The following TMEM217 variants were observed in gnomAD, a reference collection of about 807,000 sequenced individuals.
TMEM217 encodes the protein chromosome 6 open reading frame 128.
For synonymous variants in TMEM217, 76 were observed against 88.3 expected (o/e 0.86, Z 0.78); for missense variants, 204 against 248.8 (o/e 0.82, Z 1.21).
intron 1 of TMEM217, among the ~76,000 whole-genome samples, chr6:37,220,655 G>C (rs1188933670): frequency 6.6e-6 from 1 of 151,758 alleles, no homozygotes; most frequent in African/African-American, 2.4e-5. Flanking sequence ...CTAAGTGTCT[G>C]GCAGAAGCAA....
At chr6:37,245,924 C>G (rs771061171) in intron 1 of TMEM217, among the ~76,000 whole-genome samples, 2 of 151,966 alleles carry the variant, frequency 1.3e-5, no homozygotes, top group Non-Finnish European at 2.9e-5. Flanking sequence ...CTCAGCCTCC[C>G]GAGTAGCTGT....
chr6:37,214,530 T>C (rs1396158975), downstream of TMEM217, among the ~76,000 whole-genome samples: 1 of 152,070 alleles, frequency 6.6e-6, no homozygotes, highest in Non-Finnish European at 1.5e-5. Flanking sequence ...CCTGGCCATC[T>C]TCAGAACTTT....
intron 1 of TMEM217, among the ~76,000 whole-genome samples, chr6:37,252,631 ATATATATTTTTTTTT>A (rs1765490186): frequency 1.3e-5 from 1 of 77,328 alleles, no homozygotes; most frequent in South Asian, 4.3e-4. Context: ...ATATATATAT[ATATATATTTTTTTTT>A]TTTTTTTTTT....
chr6:37,226,437 C>T (rs1336026551), intron 1 of TMEM217, among the ~76,000 whole-genome samples: 5 of 151,066 alleles, frequency 3.3e-5, no homozygotes, highest in Non-Finnish European at 4.4e-5. Context: ...GGACTATAGG[C>T]GCCTGCCACG....
chr6:37,257,870 C>G, exon 1 of TMEM217: 1 of 1,597,522 alleles, frequency 6.3e-7, no homozygotes, highest in Non-Finnish European at 8.5e-7. Context: ...GGGCATCTCG[C>G]CGGGCAAACC....
chr6:37,218,229 G>A (rs1194575836), exon 2 of TMEM217: 2 of 1,357,104 alleles, frequency 1.5e-6, no homozygotes, highest in African/African-American at 3.0e-5. Context: ...AAGTGCACTG[G>A]CGCAATCTCG....
chr6:37,216,043 T>C (rs1405100986), downstream of TMEM217, among the ~76,000 whole-genome samples: 1 of 150,274 alleles, frequency 6.7e-6, no homozygotes, highest in South Asian at 2.1e-4. Context: ...GAGAAACAGA[T>C]AGACAGACAG....
chr6:37,223,590 C>T (rs1763657785), intron 1 of TMEM217, among the ~76,000 whole-genome samples: 1 of 152,130 alleles, frequency 6.6e-6, no homozygotes, highest in South Asian at 2.1e-4. Flanking sequence ...TTCACCACAA[C>T]CTCTGCCTCC....
chr6:37,250,750 A>C (rs1409447713), intron 1 of TMEM217, among the ~76,000 whole-genome samples: 1 of 152,206 alleles, frequency 6.6e-6, no homozygotes, highest in African/African-American at 2.4e-5. Context: ...AGCTGGGAAA[A>C]ATTTTTGCTA....
At chr6:37,218,070 A>G (rs1457586823) in exon 2 of TMEM217, 4 of 1,005,622 alleles carry the variant, frequency 4.0e-6, no homozygotes, top group South Asian at 4.4e-5. Context: ...GTGGGGGGAA[A>G]AAAGGAAATA....
intron 1 of TMEM217, among the ~76,000 whole-genome samples, chr6:37,248,741 G>A (rs1342696044): frequency 2.6e-5 from 4 of 152,218 alleles, no homozygotes; most frequent in African/African-American, 9.6e-5. Flanking sequence ...AGCAGAAATA[G>A]GTGGCAATGG....
At chr6:37,228,521 T>C (rs958450196) in intron 1 of TMEM217, among the ~76,000 whole-genome samples, 3 of 152,174 alleles carry the variant, frequency 2.0e-5, no homozygotes, top group Non-Finnish European at 2.9e-5. Context: ...CTGACCAATA[T>C]GGTGAAACCC....
intron 1 of TMEM217, among the ~76,000 whole-genome samples, chr6:37,245,223 C>T (rs1051295423): frequency 3.3e-5 from 5 of 152,204 alleles, no homozygotes; most frequent in East Asian, 1.9e-4. Flanking sequence ...CCTTACAGGG[C>T]GGTAGGTAGC....
At chr6:37,233,775 G>T (rs2622900) in intron 1 of TMEM217, among the ~76,000 whole-genome samples, 130,450 of 152,200 alleles carry the variant, frequency 0.86, 56,303 homozygotes, top group African/African-American at 0.96. Context: ...GCTAACTAAC[G>T]AAGTTACTAA....
intron 1 of TMEM217, among the ~76,000 whole-genome samples, chr6:37,225,022 A>AAC (rs1763744203): frequency 1.3e-5 from 2 of 148,678 alleles, no homozygotes; most frequent in African/African-American, 2.5e-5. Context: ...AAAAAAAAAA[A>AAC]AAAACACCAC....
downstream of TMEM217, among the ~76,000 whole-genome samples, chr6:37,216,704 C>T (rs978657628): frequency 1.4e-4 from 22 of 152,132 alleles, no homozygotes; most frequent in African/African-American, 5.1e-4. Flanking sequence ...CTTCAAAATT[C>T]ATGTTGAAAC....
At chr6:37,215,119 G>T (rs201894199), downstream of TMEM217, 22 of 1,573,712 alleles carry the variant, frequency 1.4e-5, no homozygotes, top group South Asian at 2.3e-5. Context: ...TCTCTCTTGG[G>T]TCACTATAAT....
At chr6:37,232,775 A>G (rs1314295095) in intron 1 of TMEM217, among the ~76,000 whole-genome samples, 1 of 152,146 alleles carries the variant, frequency 6.6e-6, no homozygotes, top group East Asian at 1.9e-4. Context: ...TCTTCCATTT[A>G]TCATTTCAGT....
downstream of TMEM217, among the ~76,000 whole-genome samples, chr6:37,215,547 G>A (rs1437174795): frequency 8.2e-6 from 1 of 121,428 alleles, no homozygotes; most frequent in Non-Finnish European, 1.6e-5. Flanking sequence ...CTCCAGCCTG[G>A]GCTGCAGAGC....
Sources: gnomAD v4.1 joint callset for allele counts (sites outside exome capture counted in the v4.1 genomes callset) on GRCh38, gnomAD v4.1.1 for gene constraint, MANE v1.5 for transcripts, NCBI Gene and HGNC (gene_info 2026-07-23, HGNC 2026-07-21) for gene names.